The following APLF variants were observed in gnomAD, a reference collection of about 807,000 sequenced individuals.
APLF encodes aprataxin and PNKP like factor, also known as aprataxin and PNK-like factor.
APLF carries 61 observed loss-of-function variants against 55.6 expected under a neutral mutation model. That is an observed-to-expected ratio of 1.10 (90% CI 0.89 to 1.36). The LOEUF is 1.36. Among genes scored for constraint, APLF ranks in the 40% most tolerant of loss-of-function variants. The pLI is 0.00. For missense variants in APLF, 611 were observed against 602.5 expected (o/e 1.01, Z -0.15); for synonymous variants, 207 against 214.8 (o/e 0.96, Z 0.32).
Position 68,490,251 on chromosome 2 carries a change from G to T in APLF, c.158G>T (p.Arg53Leu). 1 of 1,611,434 alleles carries T rather than the reference G, an allele frequency of 6.2e-7. No homozygotes were observed. Among genetic ancestry groups the T allele is most frequent in the South Asian group, 1.1e-5 (1 of 90,664 alleles). The change falls in exon 2 of 10, where the codon CGA (arginine) becomes CTA (leucine). Residue 53 changes from arginine (R) to leucine (L), a missense_variant. Transcript: ENST00000303795. The stretch of plus-strand genomic sequence containing the variant: ...CTTGAGGTGGCAGGTGGTCAGCTGC[G>T]AATCAAACCGGTAAATATGTTATTA... Reference protein sequence around the residue: ...AILEVAGGQLRIKPIHTNPCF... With the variant: ...AILEVAGGQLLIKPIHTNPCF...
chr2:68,533,466 T>C (rs939167558), intron 6 of APLF, among the ~76,000 whole-genome samples: 1 of 152,172 alleles, frequency 6.6e-6, no homozygotes, highest in East Asian at 1.9e-4. Flanking sequence ...CTCCAACTCT[T>C]AGTGGCTTAA....
intron 8 of APLF, among the ~76,000 whole-genome samples, chr2:68,557,854 G>A (rs1671057112): frequency 1.3e-5 from 2 of 151,754 alleles, no homozygotes; most frequent in African/African-American, 2.4e-5. Context: ...GAGGTTACAG[G>A]GAGCTGAGAT....
At chr2:68,509,645 T>A (rs1676984186) in intron 3 of APLF, among the ~76,000 whole-genome samples, 1 of 152,136 alleles carries the variant, frequency 6.6e-6, no homozygotes, top group Non-Finnish European at 1.5e-5. Flanking sequence ...TCAACCACTG[T>A]GGAAGACAAT....
intron 8 of APLF, among the ~76,000 whole-genome samples, chr2:68,551,558 T>C (rs1370675382): frequency 6.6e-6 from 1 of 151,612 alleles, no homozygotes; most frequent in Non-Finnish European, 1.5e-5. Context: ...TAATTTCAGA[T>C]ACTGTATTTT....
intron 1 of APLF, among the ~76,000 whole-genome samples, chr2:68,484,749 C>T (rs555808451): frequency 7.4e-4 from 112 of 151,266 alleles, no homozygotes; most frequent in African/African-American, 2.7e-3. Flanking sequence ...GTAATCCCAG[C>T]ACCTTGGGAG....
At chr2:68,577,095 C>T (rs1022336659) in intron 9 of APLF, among the ~76,000 whole-genome samples, 1 of 152,138 alleles carries the variant, frequency 6.6e-6, no homozygotes, top group Non-Finnish European at 1.5e-5. Context: ...CCTAGTCTTA[C>T]TGAAACATGA....
rs776917919 is a variant in APLF, at chr2:68,552,078, G to A, written c.1286+6766G>A. Among the ~76,000 whole-genome samples, 4 of 152,028 alleles carry A rather than the reference G, an allele frequency of 2.6e-5. 1 individual carries two copies. Among genetic ancestry groups the A allele is most frequent in the Admixed American group, 2.6e-4 (4 of 15,238 alleles). Reference sequence around the variant, plus strand: ...CTTAGCTATAAAACTTTCCTTTGGCGATTTTGAGCTTAGCCTATTAGCCTA... The same window carrying A: ...CTTAGCTATAAAACTTTCCTTTGGCAATTTTGAGCTTAGCCTATTAGCCTA... On this transcript the variant is annotated intron_variant, in intron 8 of 9. Transcript: ENST00000303795.
chr2:68,518,235 T>C (rs1669705435), intron 5 of APLF, among the ~76,000 whole-genome samples: 2 of 119,694 alleles, frequency 1.7e-5, no homozygotes, highest in South Asian at 4.8e-4. Flanking sequence ...AATAGATCAT[T>C]AATATATAAT....
At chr2:68,471,796 T>C (rs1290741291) in intron 1 of APLF, among the ~76,000 whole-genome samples, 1 of 152,170 alleles carries the variant, frequency 6.6e-6, no homozygotes, top group Non-Finnish European at 1.5e-5. Context: ...AGTCTGTTGA[T>C]GAAGAGTTAA....
intron 2 of APLF, among the ~76,000 whole-genome samples, chr2:68,496,564 C>G (rs1389475823): frequency 1.3e-5 from 2 of 152,198 alleles, no homozygotes; most frequent in African/African-American, 4.8e-5. Flanking sequence ...ATATGTGTTG[C>G]AACTTTAAGT....
At chr2:68,567,509 C>A (rs536649293) in intron 9 of APLF, 122 bp downstream of exon 9, 8 of 769,804 alleles carry the variant, frequency 1.0e-5, no homozygotes, top group Admixed American at 9.6e-5. Flanking sequence ...TGTTGAATTG[C>A]TGATTTTAAT....
chr2:68,487,379 C>A (rs1676217683), intron 1 of APLF, among the ~76,000 whole-genome samples: 1 of 152,130 alleles, frequency 6.6e-6, no homozygotes, highest in Non-Finnish European at 1.5e-5. Context: ...GTTCTGGAAT[C>A]TGATTCCTTA....
At chr2:68,490,329 C>T in intron 2 of APLF, 68 bp downstream of exon 2, 1 of 1,352,830 alleles carries the variant, frequency 7.4e-7, no homozygotes, top group Non-Finnish European at 1.0e-6. Context: ...AGCAGAGGTG[C>T]CTATTTTCTA....
chr2:68,561,173 T>A (rs936213284), intron 8 of APLF, among the ~76,000 whole-genome samples: 1 of 152,108 alleles, frequency 6.6e-6, no homozygotes, highest in Admixed American at 6.6e-5. Flanking sequence ...ATAACTGATA[T>A]CTCTAAAATG....
At chr2:68,526,914 C>CT (rs1281005891) in intron 6 of APLF, among the ~76,000 whole-genome samples, 2 of 152,070 alleles carry the variant, frequency 1.3e-5, no homozygotes, top group African/African-American at 2.4e-5. Context: ...TCTCGATCTC[C>CT]TTTTTTTTAA....
intron 8 of APLF, 79 bp from the exon 9 acceptor site, chr2:68,567,262 A>G: frequency 8.4e-7 from 1 of 1,192,188 alleles, no homozygotes; most frequent in East Asian, 2.4e-5. Context: ...TAAGTTAGTC[A>G]GTGTTCTGGT....
At chr2:68,526,554 A>G in intron 6 of APLF, among the ~76,000 whole-genome samples, 1 of 152,216 alleles carries the variant, frequency 6.6e-6, no homozygotes, top group East Asian at 1.9e-4. Flanking sequence ...TACTCTGGAT[A>G]ATCAGACTTC....
chr2:68,535,059 T>C (rs1248117140), intron 6 of APLF, among the ~76,000 whole-genome samples: 1 of 152,224 alleles, frequency 6.6e-6, no homozygotes, highest in Admixed American at 6.5e-5. Context: ...TCTTAAAATA[T>C]ATTCGAGAAC....
intron 3 of APLF, among the ~76,000 whole-genome samples, chr2:68,507,797 G>A (rs1676909581): frequency 2.6e-5 from 4 of 151,856 alleles, no homozygotes; most frequent in Admixed American, 2.0e-4. Context: ...TGATGAGGAA[G>A]TATGACATTT....
Sources: allele counts gnomAD v4.1 joint callset (sites outside exome capture counted in the v4.1 genomes callset), GRCh38; gene constraint gnomAD v4.1.1; transcripts MANE v1.5; gene names NCBI Gene and HGNC (gene_info 2026-07-23, HGNC 2026-07-21).